GGT1: variants seen among roughly 807,000 people sequenced by gnomAD.
GGT1 encodes glutathione hydrolase 1 proenzyme.
A neutral mutation model predicts 56.0 loss-of-function variants in GGT1; 21 were observed. The ratio of observed to expected loss-of-function variants is 0.38; its 90% confidence interval spans 0.27 to 0.54. GGT1 has a LOEUF of 0.54. Among genes scored for constraint, GGT1 ranks in the 20% least tolerant of loss-of-function variants. The pLI, the probability that GGT1 is intolerant of heterozygous loss-of-function variation, is 0.82. For missense variants in GGT1, 466 were observed against 787.0 expected (o/e 0.59, Z 4.88); for synonymous variants, 238 against 342.6 (o/e 0.69, Z 3.37).
At chr22:24,592,778 A>G (rs1309345175), upstream of GGT1, 153 of 1,266,808 alleles carry the variant, frequency 1.2e-4, no homozygotes, top group South Asian at 1.7e-3. Flanking sequence ...CAGGCCCACA[A>G]CCCATAGCCC....
chr22:24,623,972 G>A, intron 11 of GGT1, 56 bp downstream of exon 11: 3 of 1,607,170 alleles, frequency 1.9e-6, no homozygotes, highest in East Asian at 2.2e-5. Context: ...GAGGCATCAG[G>A]TGGGCTCCCC....
At chr22:24,625,401 A>G (rs1254964955) in intron 11 of GGT1, among the ~76,000 whole-genome samples, 1 of 152,096 alleles carries the variant, frequency 6.6e-6, no homozygotes, top group African/African-American at 2.4e-5. Flanking sequence ...AGCCCCCTGA[A>G]CAGCTGGGAC....
intron 7 of GGT1, among the ~76,000 whole-genome samples, chr22:24,615,382 T>TA (rs1380756682): frequency 6.6e-6 from 1 of 152,184 alleles, no homozygotes; most frequent in Non-Finnish European, 1.5e-5. Context: ...GAATAATTAT[T>TA]ATGCTAGCAG....
upstream of GGT1, among the ~76,000 whole-genome samples, chr22:24,593,725 T>TA (rs1171611328): frequency 1.3e-5 from 2 of 151,074 alleles, no homozygotes; most frequent in Non-Finnish European, 2.9e-5. Context: ...AGGCGGAGGT[T>TA]ACAGTGAGCC....
chr22:24,623,070 C>T (rs1485405771), intron 9 of GGT1, 37 bp from the exon 10 acceptor site: 2 of 1,611,436 alleles, frequency 1.2e-6, no homozygotes, highest in Non-Finnish European at 8.5e-7. Context: ...GGTGCAGCCC[C>T]ATCCCAGCAC....
intron 9 of GGT1, among the ~76,000 whole-genome samples, chr22:24,621,524 G>C (rs1478192407): frequency 6.8e-6 from 1 of 146,304 alleles, no homozygotes; most frequent in African/African-American, 2.7e-5. Context: ...GGGGATTTGT[G>C]GGGCAGGGGC....
At chr22:24,596,140 C>T (rs1484748687) in intron 1 of GGT1, among the ~76,000 whole-genome samples, 1 of 152,194 alleles carries the variant, frequency 6.6e-6, no homozygotes, top group Non-Finnish European at 1.5e-5. Flanking sequence ...GGCGAGATCA[C>T]AGGTATAGGC....
Position 24,614,399 on chromosome 22 carries a change from T to C in GGT1, c.165-377T>C, listed in dbSNP as rs928136874. ...AAAAGAGGCCAAGGCAGGCGGATCATGAGGTCAAGAGATAGAGACCAGCCT... is the reference window on the plus strand; with the variant it reads ...AAAAGAGGCCAAGGCAGGCGGATCACGAGGTCAAGAGATAGAGACCAGCCT... On this transcript the variant is annotated intron_variant, in intron 5 of 15. Coordinates refer to ENST00000400382, the MANE Select transcript of GGT1 (RefSeq NM_001288833.2). Among the ~76,000 whole-genome samples, 143 of 119,688 alleles carry C rather than the reference T, an allele frequency of 1.2e-3. 1 individual carries two copies. Among genetic ancestry groups the C allele is most frequent in the African/African-American group, 4.5e-3 (136 of 30,516 alleles). The allele number at this position is 119,688 out of a possible 152,430, so 78.5% of individuals were successfully genotyped here.
At chr22:24,627,273 T>C (rs1001137353) in intron 11 of GGT1, 159 bp from the exon 12 acceptor site, 1 of 1,318,200 alleles carries the variant, frequency 7.6e-7, no homozygotes, top group African/African-American at 1.5e-5. Flanking sequence ...AGACTGGTCA[T>C]GCAAGGTCCT....
intron 5 of GGT1, among the ~76,000 whole-genome samples, chr22:24,611,773 TTGTGTGTGTGTGTGTG>T (rs57600451): frequency 2.9e-4 from 38 of 131,020 alleles, no homozygotes; most frequent in South Asian, 5.6e-4. Flanking sequence ...CCCAACAAAT[TTGTGTGTGTGTGTGTG>T]TGTGTGTGTG....
the GGT1 span, among the ~76,000 whole-genome samples, chr22:24,584,926 G>T: frequency 6.6e-6 from 1 of 151,932 alleles, no homozygotes; most frequent in Admixed American, 6.5e-5. Flanking sequence ...GCTTGGGGAG[G>T]AAGGGAGACA....
the GGT1 span, chr22:24,586,284 C>A: frequency 5.0e-6 from 8 of 1,613,984 alleles, no homozygotes; most frequent in South Asian, 6.6e-5. Flanking sequence ...AGGTCCAGCA[C>A]CGCCAGCACA....
chr22:24,591,992 C>A (rs2045581351), upstream of GGT1, among the ~76,000 whole-genome samples: 1 of 152,226 alleles, frequency 6.6e-6, no homozygotes, highest in Non-Finnish European at 1.5e-5. Context: ...TCTGTGGGCC[C>A]TGGGGTGACC....
the GGT1 span, chr22:24,585,896 C>G: frequency 6.3e-7 from 1 of 1,588,778 alleles, no homozygotes; most frequent in East Asian, 2.3e-5. Flanking sequence ...TCACCTGGCA[C>G]AGCAGGCCTG....
intron 1 of GGT1, among the ~76,000 whole-genome samples, chr22:24,607,014 C>G (rs972147201): frequency 4.0e-5 from 6 of 151,806 alleles, no homozygotes; most frequent in African/African-American, 1.2e-4. Flanking sequence ...GGGTCCGCAG[C>G]TGTTCCTGGC....
intron 7 of GGT1, among the ~76,000 whole-genome samples, chr22:24,618,277 C>A (rs5760503): frequency 1.3e-5 from 2 of 151,886 alleles, no homozygotes; most frequent in African/African-American, 4.8e-5. Context: ...TCACCCTGGT[C>A]TGCTATCAAA....
chr22:24,585,832 T>C, the GGT1 span: 1 of 1,472,370 alleles, frequency 6.8e-7, no homozygotes, highest in African/African-American at 1.4e-5. Context: ...TCGCCCACTA[T>C]CATGTGCTTG....
At position 24,626,054 on chromosome 22, in the gene GGT1, G is replaced by A. The variant is rs1021917707; in HGVS notation, c.1021-1378G>A. Among the ~76,000 whole-genome samples the A allele has an allele frequency of 5.3e-4, 67 of 127,348 alleles. 2 individuals are homozygous for A. In the East Asian group the frequency reaches 6.7e-3, roughly 13 times the overall value. The allele number at this position is 127,348 out of a possible 152,430, so 83.5% of individuals were successfully genotyped here. A position where few individuals can be genotyped will look rare whatever the true frequency, so the allele number is the denominator to read the frequency against. ...GTCCCCCAGGCTGGAGTGCAGTGGC[G>A]GGATCTCCGCTCACTGCAAGCTCCG... On this transcript the variant is annotated intron_variant, in intron 11 of 15. Coordinates refer to ENST00000400382, the MANE Select transcript of GGT1 (RefSeq NM_001288833.2).
At chr22:24,627,084 T>C (rs2047834929) in intron 11 of GGT1, 1 of 566,354 alleles carries the variant, frequency 1.8e-6, no homozygotes, top group East Asian at 4.6e-5. Context: ...TTTCTTGGCA[T>C]GAGAGCAGGA....
Sources: gnomAD v4.1 joint callset for allele counts (sites outside exome capture counted in the v4.1 genomes callset) on GRCh38, gnomAD v4.1.1 for gene constraint, MANE v1.5 for transcripts, NCBI Gene and HGNC (gene_info 2026-07-23, HGNC 2026-07-21) for gene names.